Variants in COL23A1 observed in about 807,000 individuals in gnomAD.
COL23A1 encodes the protein collagen alpha-1(XXIII) chain.
COL23A1 carries 97 observed loss-of-function variants against 99.3 expected under a neutral mutation model. That is an observed-to-expected ratio of 0.98 (90% CI 0.83 to 1.16). COL23A1 has a LOEUF of 1.16. Among genes scored for constraint, COL23A1 ranks in the 50% most tolerant of loss-of-function variants. The probability of loss-of-function intolerance (pLI) is 0.00; values close to 1 mark genes in which losing one functional copy is unlikely to be tolerated. For synonymous variants in COL23A1, 320 were observed against 308.2 expected (o/e 1.04, Z -0.40); for missense variants, 762 against 757.4 (o/e 1.01, Z -0.07).
At chr5:178,276,767 G>A (rs1756606941) in intron 5 of COL23A1, among the ~76,000 whole-genome samples, 1 of 152,210 alleles carries the variant, frequency 6.6e-6, no homozygotes, top group Non-Finnish European at 1.5e-5. Context: ...CTCAAAGTTA[G>A]GTTCAGCCCA....
At chr5:178,537,318 G>A (rs983705599) in intron 2 of COL23A1, among the ~76,000 whole-genome samples, 12 of 152,212 alleles carry the variant, frequency 7.9e-5, no homozygotes, top group African/African-American at 2.4e-4. Flanking sequence ...GCCCGGGGTC[G>A]TATTCAGATT....
intron 2 of COL23A1, among the ~76,000 whole-genome samples, chr5:178,369,747 C>CT (rs1384654228): frequency 6.6e-6 from 1 of 151,942 alleles, no homozygotes; most frequent in South Asian, 2.1e-4. Flanking sequence ...ATTGTAAGGC[C>CT]CCCCCAGCCA....
chr5:178,289,487 T>C (rs1757333720), intron 4 of COL23A1, among the ~76,000 whole-genome samples: 1 of 152,264 alleles, frequency 6.6e-6, no homozygotes, highest in South Asian at 2.1e-4. Context: ...ACAAATGCAG[T>C]GACATTTTCC....
intron 12 of COL23A1, among the ~76,000 whole-genome samples, chr5:178,258,152 G>A (rs531745757): frequency 4.0e-5 from 6 of 151,548 alleles, no homozygotes; most frequent in African/African-American, 1.4e-4. Flanking sequence ...AGAGGCTGAG[G>A]TGGGAGAACT....
At chr5:178,460,732 G>A (rs1756074127) in intron 2 of COL23A1, among the ~76,000 whole-genome samples, 2 of 152,204 alleles carry the variant, frequency 1.3e-5, no homozygotes, top group South Asian at 2.1e-4. Context: ...TCTTATGCCT[G>A]TTCCCCTGGC....
chr5:178,278,303 A>C (rs1288152497), intron 5 of COL23A1, among the ~76,000 whole-genome samples: 1 of 152,134 alleles, frequency 6.6e-6, no homozygotes, highest in Non-Finnish European at 1.5e-5. Context: ...CCTCCCTGAG[A>C]GCTGCCCCCT....
chr5:178,440,326 C>T (rs994471216), intron 2 of COL23A1, among the ~76,000 whole-genome samples: 1 of 152,178 alleles, frequency 6.6e-6, no homozygotes, highest in African/African-American at 2.4e-5. Flanking sequence ...GCTCATGACC[C>T]CCTCTGGAAT....
At chr5:178,251,159 A>T (rs1313593225) in intron 17 of COL23A1, among the ~76,000 whole-genome samples, 1 of 151,772 alleles carries the variant, frequency 6.6e-6, no homozygotes, top group Admixed American at 6.6e-5. Flanking sequence ...AGTAGCTGGG[A>T]TTACAAGTGC....
intron 2 of COL23A1, among the ~76,000 whole-genome samples, chr5:178,363,579 G>A (rs562142442): frequency 3.9e-5 from 6 of 152,294 alleles, no homozygotes; most frequent in South Asian, 2.1e-4. Flanking sequence ...ACATTAGGAC[G>A]TTTTGGTCAG....
In COL23A1 at chr5:178,428,171, A is replaced by C. The variant is rs1766053921; in HGVS notation, c.362-121252T>G. 6.6e-6 allele frequency among the ~76,000 whole-genome samples: 1 copy of C among 152,230 alleles called. No homozygotes were observed. Among genetic ancestry groups the C allele is most frequent in the Non-Finnish European group, 1.5e-5 (1 of 68,042 alleles). On this transcript the variant is annotated intron_variant, in intron 2 of 28. Transcript: ENST00000390654. The surrounding 1 kb of genome is among the most constrained non-coding windows in gnomAD (Gnocchi z 5.0). ...CAGATATCACAGGGAAAAGAGAACGAGGAATCCAAAGTCCTGAGCAATCGT... is the reference window on the plus strand; with the variant it reads ...CAGATATCACAGGGAAAAGAGAACGCGGAATCCAAAGTCCTGAGCAATCGT...
intron 2 of COL23A1, among the ~76,000 whole-genome samples, chr5:178,347,658 G>A (rs183603854): frequency 1.3e-3 from 194 of 151,882 alleles, no homozygotes; most frequent in African/African-American, 4.4e-3. Flanking sequence ...TGAGGCGGGC[G>A]GATCATGAGG....
intron 2 of COL23A1, among the ~76,000 whole-genome samples, chr5:178,508,135 G>A (rs980129608): frequency 6.6e-6 from 1 of 151,932 alleles, no homozygotes; most frequent in Non-Finnish European, 1.5e-5. Flanking sequence ...TCTCTGTCCT[G>A]CTGTTGATAC....
rs146527593 is a variant in COL23A1 at position 178,281,280 on chromosome 5, A to G, written c.441+7044T>C. Among the ~76,000 whole-genome samples the G allele has an allele frequency of 9.8e-5, 15 of 152,304 alleles. No homozygotes were observed. The East Asian group carries it at 2.5e-3, about 25-fold the overall frequency. On this transcript the variant is annotated intron_variant, in intron 5 of 28. Coordinates refer to ENST00000390654, the MANE Select transcript of COL23A1 (RefSeq NM_173465.4). The surrounding 1 kb of genome is among the most constrained non-coding windows in gnomAD (Gnocchi z 4.0). ...ATAATCAAAGCTGTTTTTGAACTACAAGAGTGCAAGAGAGCGTGTGAACGT... is the reference window on the plus strand; with the variant it reads ...ATAATCAAAGCTGTTTTTGAACTACGAGAGTGCAAGAGAGCGTGTGAACGT...
intron 1 of COL23A1, among the ~76,000 whole-genome samples, chr5:178,565,682 T>C (rs1042646538): frequency 2.6e-5 from 4 of 152,110 alleles, no homozygotes; most frequent in African/African-American, 9.7e-5. Context: ...GGGATTCTTA[T>C]TACACCCATT....
chr5:178,492,797 C>G (rs1758000650), intron 2 of COL23A1, among the ~76,000 whole-genome samples: 1 of 152,016 alleles, frequency 6.6e-6, no homozygotes, highest in South Asian at 2.1e-4. Flanking sequence ...ACTGGGAGCA[C>G]AGATCCAGAG....
intron 2 of COL23A1, among the ~76,000 whole-genome samples, chr5:178,421,776 T>A (rs1765644297): frequency 6.6e-6 from 1 of 152,120 alleles, no homozygotes; most frequent in Non-Finnish European, 1.5e-5. Context: ...GGCTGAGGCA[T>A]GAGAATCGCT....
intron 22 of COL23A1, among the ~76,000 whole-genome samples, chr5:178,246,728 CG>C (rs5873597): frequency 0.17 from 24,212 of 146,658 alleles, 2,287 homozygotes; most frequent in East Asian, 0.4. Context: ...AGACGGGGGG[CG>C]GGGGGGGGGG....
Position 178,248,254 on chromosome 5 carries a change from C to T in COL23A1, c.1150G>A (p.Gly384Ser), listed in dbSNP as rs1437208605. Reference sequence around the variant, plus strand: ...TTCTCCCCCTTGAGGCCGTCAGCGCCCTGCAGGACGGCAATGGCCTGTGAG... The same window carrying T: ...TTCTCCCCCTTGAGGCCGTCAGCGCTCTGCAGGACGGCAATGGCCTGTGAG... ...AGEMGLSGLP[G>S]ADGLKGEKGE... The change falls in exon 20 of 29, where the codon GGC (glycine) becomes AGC (serine). Residue 384 changes from glycine (G) to serine (S), a missense_variant and splice_region_variant. Gly to Ser is a moderately conservative substitution (Grantham distance 56, BLOSUM62 0). Coordinates refer to ENST00000390654, the MANE Select transcript of COL23A1 (RefSeq NM_173465.4). 2 of 1,611,424 alleles carry T rather than the reference C, an allele frequency of 1.2e-6. No homozygotes were observed. The highest frequency in any genetic ancestry group is 1.7e-6 in the Non-Finnish European group (2 of 1,177,930).
At chr5:178,393,895 G>A (rs1210538711) in intron 2 of COL23A1, among the ~76,000 whole-genome samples, 1 of 152,092 alleles carries the variant, frequency 6.6e-6, no homozygotes, top group East Asian at 1.9e-4. Flanking sequence ...CCAAAGTGCT[G>A]GGATTATAGG....
Sources: allele counts gnomAD v4.1 joint callset (sites outside exome capture counted in the v4.1 genomes callset), GRCh38; gene constraint gnomAD v4.1.1; non-coding constraint Gnocchi (gnomAD v3.1); transcripts MANE v1.5; gene names NCBI Gene and HGNC (gene_info 2026-07-23, HGNC 2026-07-21).